USP24: variants seen among roughly 807,000 people sequenced by gnomAD.
USP24 encodes the protein ubiquitin carboxyl-terminal hydrolase 24.
USP24 carries 97 observed loss-of-function variants against 361.6 expected under a neutral mutation model. That is an observed-to-expected ratio of 0.27 (90% CI 0.23 to 0.32). The LOEUF (loss-of-function observed/expected upper bound fraction) is 0.32, where lower values mean the gene tolerates loss of function less well. USP24 is among the 10% of genes least tolerant of loss of function. The probability of loss-of-function intolerance (pLI) is 1.00; values close to 1 mark genes in which losing one functional copy is unlikely to be tolerated. For synonymous variants in USP24, 1,098 were observed against 1,124.6 expected (o/e 0.98, Z 0.47); for missense variants, 2,353 against 3,165.6 (o/e 0.74, Z 6.16).
intron 49 of USP24, 122 bp downstream of exon 49, chr1:55,096,830 C>CA: frequency 7.2e-7 from 1 of 1,383,204 alleles, no homozygotes; most frequent in Non-Finnish European, 9.7e-7. Flanking sequence ...TTTAAAACTT[C>CA]AAAATGAAAC....
rs1644944551 is a variant in USP24, at chr1:55,214,816, C to A, written c.298G>T (p.Ala100Ser). The A allele has an allele frequency of 6.5e-6, 8 of 1,221,794 alleles. No individual in the cohort carries two copies. The highest frequency in any genetic ancestry group is 8.2e-6 in the Non-Finnish European group (8 of 972,148). The allele number at this position is 1,221,794 out of a possible 1,614,324, so 75.7% of individuals were successfully genotyped here. Reference sequence around the variant, plus strand: ...TCCGCGTCCACCACCTCGTGGTAGGCGGGCGGGGGGTCGAAGCCGCCCCCG... The same window carrying A: ...TCCGCGTCCACCACCTCGTGGTAGGAGGGCGGGGGGTCGAAGCCGCCCCCG... ...GGGGGFDPPP[A>S]YHEVVDAEKN... The change falls in exon 1 of 68, where the codon GCC becomes TCC. Residue 100 changes from alanine to serine, a missense_variant. Transcript: ENST00000294383.
chr1:55,144,175 T>G lies in USP24; in HGVS notation c.2391A>C (p.Glu797Asp). The change falls in exon 21 of 68, where the codon GAA becomes GAC. Residue 797 changes from glutamate (E) to aspartate (D), a missense_variant. Around this residue, in one of 8 missense-constraint regions of USP24, gnomAD observed 949 missense variants for 1,280.5 expected, o/e 0.74. Transcript: ENST00000294383. Reference sequence around the variant, plus strand: ...ATCGATGATCACAAAGATTCACATTTTCAAAAAAAGTTTTAAATAAGTTAA... The same window carrying G: ...ATCGATGATCACAAAGATTCACATTGTCAAAAAAAGTTTTAAATAAGTTAA... ...NGFNLFKTFFENVNLCDHRLK... is the reference protein window; with the variant it reads ...NGFNLFKTFFDNVNLCDHRLK... 1.2e-6 allele frequency: 2 copies of G among 1,606,710 alleles called. No individual in the cohort carries two copies. The highest frequency in any genetic ancestry group is 1.7e-6 in the Non-Finnish European group (2 of 1,176,924).
chr1:55,126,241 G>C (rs547519709), intron 32 of USP24, among the ~76,000 whole-genome samples: 2 of 152,148 alleles, frequency 1.3e-5, no homozygotes, highest in African/African-American at 2.4e-5. Context: ...GGCCTCTGCC[G>C]GCACCAGGCA....
chr1:55,070,640 T>A (rs1048902092), intron 67 of USP24, among the ~76,000 whole-genome samples: 2 of 151,974 alleles, frequency 1.3e-5, no homozygotes, highest in African/African-American at 4.8e-5. Flanking sequence ...TTTAGAGAAT[T>A]AGTCGAAGTT....
chr1:55,076,778 A>C (rs1335389358), intron 62 of USP24, among the ~76,000 whole-genome samples: 1 of 152,202 alleles, frequency 6.6e-6, no homozygotes, highest in Non-Finnish European at 1.5e-5. Context: ...ACAATTGATT[A>C]CATTTCAGTT....
intron 1 of USP24, among the ~76,000 whole-genome samples, chr1:55,213,636 A>G (rs1644904040): frequency 6.6e-6 from 1 of 152,264 alleles, no homozygotes; most frequent in Admixed American, 6.5e-5. Context: ...AAGCTGCTCT[A>G]CTGGCCCCTG....
intron 58 of USP24, 97 bp downstream of exon 58, chr1:55,083,175 C>G: frequency 1.6e-6 from 2 of 1,248,708 alleles, no homozygotes; most frequent in South Asian, 2.9e-5. Flanking sequence ...ACTACTTAGA[C>G]TTTTATGAAA....
intron 1 of USP24, among the ~76,000 whole-genome samples, chr1:55,190,083 T>G (rs1644244904): frequency 1.4e-5 from 2 of 139,052 alleles, no homozygotes; most frequent in African/African-American, 5.4e-5. Context: ...GAGAATTGCT[T>G]GGACCCAGGA....
intron 54 of USP24, among the ~76,000 whole-genome samples, chr1:55,091,790 C>A (rs796744629): frequency 6.6e-6 from 1 of 152,076 alleles, no homozygotes. Flanking sequence ...TTGCCCAATT[C>A]GAAGATGTAC....
In USP24 at chr1:55,072,347, T is replaced by C. The variant is rs149284676; in HGVS notation, c.7659A>G (p.Gly2553=). Reference sequence around the variant, plus strand: ...CTGAAATGGTTCGCTGAAAGGTTTTTCCAGTTGATGTTTCATTAGAGACAT... The same window carrying C: ...CTGAAATGGTTCGCTGAAAGGTTTTCCCAGTTGATGTTTCATTAGAGACAT... The part of the protein sequence containing the change: ...QSNVSNETST[G]KTFQRTISAQ... Residue 2553 remains glycine (G), a synonymous_variant, in exon 66 of 68, where the codon GGA becomes GGG. Coordinates refer to ENST00000294383, the MANE Select transcript of USP24 (RefSeq NM_015306.3). 1.2e-6 allele frequency: 2 copies of C among 1,613,832 alleles called. No individual in the cohort carries two copies. The highest frequency in any genetic ancestry group is 2.7e-5 in the African/African-American group (2 of 75,028).
chr1:55,133,329 T>C (rs572604069), intron 30 of USP24, among the ~76,000 whole-genome samples: 1 of 152,280 alleles, frequency 6.6e-6, no homozygotes, highest in South Asian at 2.1e-4. Flanking sequence ...ATATCAACTG[T>C]GAAAAAATTA....
intron 45 of USP24, among the ~76,000 whole-genome samples, chr1:55,099,537 G>C (rs894750619): frequency 1.3e-5 from 2 of 151,856 alleles, no homozygotes; most frequent in Non-Finnish European, 2.9e-5. Context: ...CACTCTGGGT[G>C]ACAGAGCGAG....
chr1:55,107,454 T>C, intron 39 of USP24, 24 bp from the exon 40 acceptor site: 1 of 1,537,102 alleles, frequency 6.5e-7, no homozygotes, highest in Non-Finnish European at 8.7e-7. Context: ...AAAAAATCCA[T>C]TACAAAGAAA....
chr1:55,153,141 C>T (rs1467974378), intron 16 of USP24, among the ~76,000 whole-genome samples: 2 of 152,160 alleles, frequency 1.3e-5, no homozygotes, highest in African/African-American at 2.4e-5. Flanking sequence ...CCAATTAGGG[C>T]TGCTGCAACA....
intron 1 of USP24, among the ~76,000 whole-genome samples, chr1:55,190,182 A>AC (rs1201674701): frequency 6.6e-6 from 1 of 150,964 alleles, no homozygotes; most frequent in South Asian, 2.1e-4. Flanking sequence ...AAAAAAAAAA[A>AC]AAAGAAAGAA....
chr1:55,186,236 T>C (rs1644127000), intron 1 of USP24, among the ~76,000 whole-genome samples: 1 of 152,222 alleles, frequency 6.6e-6, no homozygotes. Flanking sequence ...CAAGGAAATT[T>C]CACATCTATT....
rs1448552226 is a variant in USP24, at chr1:55,076,036, TATC to T, written c.7381-516_7381-514del. On this transcript the variant is annotated intron_variant, in intron 62 of 67. Coordinates refer to ENST00000294383, the MANE Select transcript of USP24 (RefSeq NM_015306.3). ...ACACGGCTGCCACATATCTCAAATA[TATC>T]TTAAAACTAAGAGAAAAAACTATTA... Among the ~76,000 whole-genome samples, 5 of 152,014 alleles carry T rather than the reference TATC, an allele frequency of 3.3e-5. No individual in the cohort carries two copies. In the East Asian group the frequency reaches 9.7e-4, roughly 29 times the overall value.
In USP24 at chr1:55,072,801, C is replaced by T; in HGVS notation, c.7587G>A (p.Gln2529=). 1 of 1,604,818 alleles carries T rather than the reference C, an allele frequency of 6.2e-7. No homozygotes were observed. The highest frequency in any genetic ancestry group is 8.5e-7 in the Non-Finnish European group (1 of 1,175,516). ...ENSHHWSWAV[Q]WLQKKMSEHY... Reference sequence around the variant, plus strand: ...GTTCAGTTACCTTCTTCTGTAGCCACTGCACAGCCCAGCTCCAGTGGTGGG... The same window carrying T: ...GTTCAGTTACCTTCTTCTGTAGCCATTGCACAGCCCAGCTCCAGTGGTGGG... Residue 2529 remains glutamine, a synonymous_variant, in exon 65 of 68, where the codon CAG becomes CAA. Coordinates refer to ENST00000294383, the MANE Select transcript of USP24 (RefSeq NM_015306.3).
intron 28 of USP24, among the ~76,000 whole-genome samples, chr1:55,135,803 CCTTTA>C (rs1055730100): frequency 3.9e-5 from 6 of 151,962 alleles, no homozygotes; most frequent in African/African-American, 1.5e-4. Context: ...CTTTTAAATA[CCTTTA>C]CTTTACATTA....
Sources: allele counts gnomAD v4.1 joint callset (sites outside exome capture counted in the v4.1 genomes callset), GRCh38; gene constraint gnomAD v4.1.1; regional missense constraint gnomAD v4.1.1; transcripts MANE v1.5; gene names NCBI Gene and HGNC (gene_info 2026-07-23, HGNC 2026-07-21).